Variants in AKAP19 observed in about 807,000 individuals in gnomAD.
The protein encoded by AKAP19 is small A-kinase anchoring protein.
the AKAP19 span, among the ~76,000 whole-genome samples, chr2:189,976,036 C>T: frequency 6.6e-6 from 1 of 152,180 alleles, no homozygotes; most frequent in Non-Finnish European, 1.5e-5. Context: ...AGCGGCGTTC[C>T]TTGGAGGGGG....
At chr2:189,974,869 T>C in the AKAP19 span, among the ~76,000 whole-genome samples, 6 of 152,216 alleles carry the variant, frequency 3.9e-5, no homozygotes, top group African/African-American at 1.2e-4. Context: ...TGAGCCTATG[T>C]GTATCTCTGC....
the AKAP19 span, among the ~76,000 whole-genome samples, chr2:190,150,766 C>CTTTTT: frequency 6.9e-6 from 1 of 144,370 alleles, no homozygotes; most frequent in Non-Finnish European, 1.5e-5. Flanking sequence ...TGATCTCCTG[C>CTTTTT]TTTTTTTTTT....
chr2:190,019,245 A>T, the AKAP19 span, among the ~76,000 whole-genome samples: 2 of 152,132 alleles, frequency 1.3e-5, no homozygotes, highest in Non-Finnish European at 2.9e-5. Flanking sequence ...CTTTGCCAAA[A>T]TGCACCATGG....
At chr2:189,923,740 T>A in the AKAP19 span, 1 of 1,613,724 alleles carries the variant, frequency 6.2e-7, no homozygotes, top group Non-Finnish European at 8.5e-7. Context: ...CTCCTCCTCC[T>A]ATTGCTCGGG....
chr2:190,028,959 A>C, the AKAP19 span, among the ~76,000 whole-genome samples: 4 of 152,216 alleles, frequency 2.6e-5, no homozygotes, highest in Non-Finnish European at 5.9e-5. Flanking sequence ...CAAAGATAGA[A>C]GATATGGAGC....
the AKAP19 span, among the ~76,000 whole-genome samples, chr2:189,911,851 T>C: frequency 6.6e-6 from 1 of 152,058 alleles, no homozygotes; most frequent in Non-Finnish European, 1.5e-5. Context: ...TTTTCTAATA[T>C]TTCTTAAAAA....
the AKAP19 span, among the ~76,000 whole-genome samples, chr2:190,071,771 T>A: frequency 2.0e-5 from 3 of 152,090 alleles, no homozygotes; most frequent in African/African-American, 7.2e-5. Context: ...GGGTTTATAA[T>A]GTACACAAGA....
the AKAP19 span, chr2:190,060,247 C>T: frequency 6.2e-7 from 1 of 1,613,108 alleles, no homozygotes; most frequent in African/African-American, 1.3e-5. Flanking sequence ...GATCGGATTC[C>T]AGTATACCTT....
the AKAP19 span, among the ~76,000 whole-genome samples, chr2:189,888,950 T>C: frequency 6.6e-6 from 1 of 151,054 alleles, no homozygotes; most frequent in East Asian, 2.0e-4. Flanking sequence ...TCTTGCCTGA[T>C]TGGAGAACTT....
At chr2:190,106,473 G>A in the AKAP19 span, among the ~76,000 whole-genome samples, 10 of 151,992 alleles carry the variant, frequency 6.6e-5, no homozygotes, top group Admixed American at 2.0e-4. Flanking sequence ...TCCACTGTTC[G>A]TTTGCCCTAT....
chr2:190,159,467 C>A, the AKAP19 span, among the ~76,000 whole-genome samples: 2 of 152,180 alleles, frequency 1.3e-5, no homozygotes. Context: ...TTTTGGTTTT[C>A]TTCCCTGAAT....
At chr2:190,006,318 T>C in the AKAP19 span, among the ~76,000 whole-genome samples, 12 of 152,204 alleles carry the variant, frequency 7.9e-5, no homozygotes, top group African/African-American at 2.9e-4. Context: ...AAAACTTCCT[T>C]CTCAAAGTGG....
the AKAP19 span, among the ~76,000 whole-genome samples, chr2:189,988,168 A>T: frequency 1.3e-5 from 2 of 152,120 alleles, no homozygotes. Flanking sequence ...AAATGCAAAA[A>T]TTTGAAAAGA....
chr2:190,182,614 C>A, the AKAP19 span, among the ~76,000 whole-genome samples: 2 of 152,098 alleles, frequency 1.3e-5, no homozygotes, highest in Non-Finnish European at 2.9e-5. Context: ...CCTTCCTTAC[C>A]TAAGACCCCT....
the AKAP19 span, chr2:190,057,535 T>A: frequency 1.2e-6 from 2 of 1,613,502 alleles, no homozygotes; most frequent in Middle Eastern, 1.7e-4. Flanking sequence ...AGTTAGAGGG[T>A]AACGACAGCA....
chr2:189,926,851 G>A, the AKAP19 span, among the ~76,000 whole-genome samples: 1 of 151,832 alleles, frequency 6.6e-6, no homozygotes, highest in African/African-American at 2.4e-5. Flanking sequence ...CGAAATTGCT[G>A]GGATTATAGG....
At chr2:190,110,678 CTATT>C in the AKAP19 span, among the ~76,000 whole-genome samples, 1 of 152,164 alleles carries the variant, frequency 6.6e-6, no homozygotes, top group Non-Finnish European at 1.5e-5. Context: ...AATAACATCA[CTATT>C]TATTATCACA....
chr2:190,195,705 G>C, the AKAP19 span, among the ~76,000 whole-genome samples: 4 of 151,866 alleles, frequency 2.6e-5, no homozygotes, highest in East Asian at 7.7e-4. Context: ...CCCAGTCTGT[G>C]GCTTGTCTTC....
chr2:190,069,385 T>A, the AKAP19 span, among the ~76,000 whole-genome samples: 3 of 152,304 alleles, frequency 2.0e-5, no homozygotes, highest in Admixed American at 2.0e-4. Flanking sequence ...TCTTTAGTTT[T>A]AAAAATTTTT....
Sources: gnomAD v4.1 joint callset for allele counts (sites outside exome capture counted in the v4.1 genomes callset) on GRCh38, gnomAD v4.1.1 for gene constraint, MANE v1.5 for transcripts, NCBI Gene and HGNC (gene_info 2026-07-23, HGNC 2026-07-21) for gene names.